The following ARL9 variants were observed in gnomAD, a reference collection of about 807,000 sequenced individuals.
ARL9 encodes ADP-ribosylation factor-like protein 9.
In ARL9, 14 loss-of-function variants were observed where a neutral mutation model predicts 27.0. The ratio of observed to expected loss-of-function variants is 0.52; its 90% confidence interval spans 0.34 to 0.81. The LOEUF is 0.81. ARL9 is among the 30% of genes least tolerant of loss of function. The pLI is 0.01. For missense variants in ARL9, 294 were observed against 290.0 expected, an observed-to-expected ratio of 1.01 and a Z score of -0.10; for synonymous variants, 106 against 108.7, an observed-to-expected ratio of 0.98 and a Z score of 0.15.
upstream of ARL9, chr4:56,505,412 C>T: frequency 2.2e-6 from 1 of 457,962 alleles, no homozygotes; most frequent in Non-Finnish European, 4.4e-6. Context: ...TTCACACAGG[C>T]TGGCCGGTCT....
Position 56,505,831 on chromosome 4 carries a change from C to A in ARL9, c.-32C>A. The stretch of plus-strand genomic sequence containing the variant: ...AGCCACCGCTCAGCACGCGGGCACG[C>A]GGCGGGAGGGAAGGAAACCGCGGCG... On this transcript the variant is annotated 5_prime_UTR_variant, in exon 1 of 4. Transcript: ENST00000640821. The A allele has an allele frequency of 7.9e-7, 1 of 1,265,032 alleles. No individual in the cohort carries two copies. The highest frequency in any genetic ancestry group is 9.9e-7 in the Non-Finnish European group (1 of 1,007,032). The allele number at this position is 1,265,032 out of a possible 1,614,324, so 78.4% of individuals were successfully genotyped here.
chr4:56,512,924 T>G (rs1721676505), intron 2 of ARL9, among the ~76,000 whole-genome samples: 2 of 152,186 alleles, frequency 1.3e-5, no homozygotes, highest in African/African-American at 4.8e-5. Flanking sequence ...TATTTATTTT[T>G]GTTTTTGATC....
At chr4:56,512,365 C>G (rs1272264390) in intron 2 of ARL9, among the ~76,000 whole-genome samples, 1 of 152,000 alleles carries the variant, frequency 6.6e-6, no homozygotes, top group Non-Finnish European at 1.5e-5. Flanking sequence ...AAACTGCCTC[C>G]TCCCTAACCT....
At chr4:56,514,854 G>A (rs987014999) in intron 2 of ARL9, among the ~76,000 whole-genome samples, 1 of 152,166 alleles carries the variant, frequency 6.6e-6, no homozygotes, top group Non-Finnish European at 1.5e-5. Flanking sequence ...AAATGGAAAT[G>A]TAGAAATCTG....
intron 2 of ARL9, among the ~76,000 whole-genome samples, chr4:56,517,545 C>A (rs1276278381): frequency 6.6e-6 from 1 of 151,922 alleles, no homozygotes. Context: ...ATATAATAGT[C>A]CTGTGTTAGA....
At chr4:56,522,142 C>CAT (rs908714291) in intron 3 of ARL9, among the ~76,000 whole-genome samples, 14 of 152,048 alleles carry the variant, frequency 9.2e-5, no homozygotes, top group Admixed American at 2.6e-4. Flanking sequence ...AGGTTCGGGA[C>CAT]ATGCACAGTG....
At chr4:56,506,410 T>A (rs6554358) in intron 1 of ARL9, among the ~76,000 whole-genome samples, 30,030 of 151,998 alleles carry the variant, frequency 0.2, 3,341 homozygotes, top group Admixed American at 0.35. Context: ...GAGATCTCGG[T>A]CTTCATGGGG....
At chr4:56,505,244 T>G, upstream of ARL9, 1 of 346,754 alleles carries the variant, frequency 2.9e-6, no homozygotes, top group East Asian at 8.2e-5. Context: ...AATAGTCAAC[T>G]AATAATCCTG....
rs989662590 is a variant in ARL9 at position 56,516,888 on chromosome 4, C to T, written c.443-1790C>T. On this transcript the variant is annotated intron_variant, in intron 2 of 3. Transcript: ENST00000640821. ...AGGTTGCAGTGAGTGGAGATTGCAC[C>T]ACTGCCCTCCAGCCTGGATGACAGA... Among the ~76,000 whole-genome samples, 7 of 152,262 alleles carry T rather than the reference C, an allele frequency of 4.6e-5. No individual in the cohort carries two copies. In the East Asian group the frequency reaches 1.4e-3, roughly 29 times the overall value.
intron 3 of ARL9, among the ~76,000 whole-genome samples, chr4:56,521,011 A>T (rs1027318132): frequency 6.6e-6 from 1 of 152,080 alleles, no homozygotes; most frequent in Non-Finnish European, 1.5e-5. Context: ...GGAGTTCGAG[A>T]CCAGCCTGGC....
At chr4:56,512,142 C>T (rs1210892120) in intron 2 of ARL9, among the ~76,000 whole-genome samples, 4 of 152,186 alleles carry the variant, frequency 2.6e-5, no homozygotes, top group Admixed American at 1.3e-4. Context: ...TGGTTATATC[C>T]TTTGTACTGC....
intron 2 of ARL9, among the ~76,000 whole-genome samples, chr4:56,516,620 CTGATAATATCAAGTTTTGA>C (rs1721774587): frequency 1.4e-5 from 2 of 147,600 alleles, no homozygotes; most frequent in Non-Finnish European, 3.0e-5. Context: ...AAAAAGAAAT[CTGATAATATCAAGTTTTGA>C]AGAGGATGCA....
At chr4:56,516,752 G>A (rs1008819209) in intron 2 of ARL9, among the ~76,000 whole-genome samples, 2 of 151,984 alleles carry the variant, frequency 1.3e-5, no homozygotes, top group African/African-American at 4.8e-5. Context: ...GTGACATGGC[G>A]AAACCCAGCT....
intron 3 of ARL9, among the ~76,000 whole-genome samples, chr4:56,521,604 G>A (rs1460323513): frequency 2.6e-5 from 4 of 152,204 alleles, no homozygotes; most frequent in Non-Finnish European, 5.9e-5. Flanking sequence ...GAATATGACA[G>A]TTTTTGCAGC....
Position 56,523,879 on chromosome 4 carries a change from A to ACTGTGCGGCTCACGACTGAT in ARL9, c.*3_*4insCTGTGCGGCTCACGACTGAT, listed in dbSNP as rs1180115239. 5 of 1,611,982 alleles carry ACTGTGCGGCTCACGACTGAT rather than the reference A, an allele frequency of 3.1e-6. No individual in the cohort carries two copies. Among genetic ancestry groups the ACTGTGCGGCTCACGACTGAT allele is most frequent in the Non-Finnish European group, 4.2e-6 (5 of 1,178,748 alleles). The stretch of plus-strand genomic sequence containing the variant: ...AGCTGGCTGCAGATGTGCAGTGACC[A>ACTGTGCGGCTCACGACTGAT]GGACTCAGCCCACTGTGCGGCTCAC... On this transcript the variant is annotated 3_prime_UTR_variant, in exon 4 of 4. Transcript: ENST00000640821.
At chr4:56,505,314 G>A (rs1031445733), upstream of ARL9, 2 of 445,806 alleles carry the variant, frequency 4.5e-6, no homozygotes, top group African/African-American at 4.0e-5. Flanking sequence ...AGAAATACAT[G>A]ACATGAGCAG....
At chr4:56,510,354 C>CAAAAA (rs769085578) in intron 1 of ARL9, among the ~76,000 whole-genome samples, 19 of 75,144 alleles carry the variant, frequency 2.5e-4, no homozygotes, top group African/African-American at 8.8e-4. Context: ...GACTCCAACT[C>CAAAAA]AAAAAAAAAA....
At chr4:56,514,989 C>T (rs1313949666) in intron 2 of ARL9, among the ~76,000 whole-genome samples, 2 of 152,064 alleles carry the variant, frequency 1.3e-5, no homozygotes, top group African/African-American at 2.4e-5. Flanking sequence ...GTGGCTTATG[C>T]CTGTAACTCC....
Position 56,511,337 on chromosome 4 carries a change from G to A in ARL9, c.432G>A (p.Glu144=). 1 of 1,612,438 alleles carries A rather than the reference G, an allele frequency of 6.2e-7. No homozygotes were observed. The highest frequency in any genetic ancestry group is 8.5e-7 in the Non-Finnish European group (1 of 1,179,200). ...TCAACACTGAAGACAGCCAGATGGA[G>A]TTCCTGGAGAGTAAGCTCTCTGTTC... ...VCINTEDSQM[E]FLEIGGSKPF... Residue 144 remains glutamate, a synonymous_variant, in exon 2 of 4, where the codon GAG becomes GAA. Transcript: ENST00000640821.
Sources: gnomAD v4.1 joint callset for allele counts (sites outside exome capture counted in the v4.1 genomes callset) on GRCh38, gnomAD v4.1.1 for gene constraint, MANE v1.5 for transcripts, NCBI Gene and HGNC (gene_info 2026-07-23, HGNC 2026-07-21) for gene names.